ACAD11: variants seen among roughly 807,000 people sequenced by gnomAD.
ACAD11 encodes acyl-Coenzyme A dehydrogenase family, member 11.
In ACAD11, 83 loss-of-function variants were observed where a neutral mutation model predicts 102.2. That is an observed-to-expected ratio of 0.81 (90% CI 0.68 to 0.97). The LOEUF is 0.97. Ranked by LOEUF, ACAD11 falls within the 50% of genes least tolerant of loss-of-function variation. The probability of loss-of-function intolerance (pLI) is 0.00; values close to 1 mark genes in which losing one functional copy is unlikely to be tolerated. For missense variants in ACAD11, 901 were observed against 951.7 expected, an observed-to-expected ratio of 0.95 and a Z score of 0.70; for synonymous variants, 324 against 319.8, an observed-to-expected ratio of 1.01 and a Z score of -0.14.
intron 17 of ACAD11, among the ~76,000 whole-genome samples, chr3:132,565,127 A>G (rs1398794961): frequency 6.6e-6 from 1 of 152,166 alleles, no homozygotes; most frequent in African/African-American, 2.4e-5. Context: ...CACAGAAAAA[A>G]CATTGGCCCC....
At chr3:132,571,541 T>C (rs1374668673) in intron 17 of ACAD11, among the ~76,000 whole-genome samples, 2 of 152,320 alleles carry the variant, frequency 1.3e-5, no homozygotes, top group East Asian at 1.9e-4. Flanking sequence ...TTTTTTGTAA[T>C]GGCTTTTGGC....
At position 132,643,468 on chromosome 3, in the gene ACAD11, C is replaced by T. The variant is rs529966684; in HGVS notation, c.250-666G>A. ...CAGATGCACAGGCTATCACTCAGGA[C>T]CCAAGGGCAGAGCTGTTGATGCAGG... is the stretch of plus-strand genomic sequence containing the variant. On this transcript the variant is annotated intron_variant, in intron 2 of 19. Transcript: ENST00000264990. 9.3e-4 allele frequency among the ~76,000 whole-genome samples: 141 copies of T among 152,256 alleles called. 1 individual carries two copies. The highest frequency in any genetic ancestry group is 1.7e-3 in the Non-Finnish European group (116 of 68,022).
chr3:132,566,207 G>T (rs906133560), intron 17 of ACAD11, among the ~76,000 whole-genome samples: 2 of 143,182 alleles, frequency 1.4e-5, no homozygotes, highest in African/African-American at 5.2e-5. Flanking sequence ...TTCCACAGCA[G>T]AACAGAGGGG....
At chr3:132,583,625 C>A (rs759880689) in intron 13 of ACAD11, among the ~76,000 whole-genome samples, 6 of 152,098 alleles carry the variant, frequency 3.9e-5, no homozygotes, top group Non-Finnish European at 7.4e-5. Flanking sequence ...TTCTCTAGTT[C>A]TTTTAATTGT....
chr3:132,623,742 G>T (rs1012721126), intron 9 of ACAD11, among the ~76,000 whole-genome samples: 1 of 152,080 alleles, frequency 6.6e-6, no homozygotes, highest in African/African-American at 2.4e-5. Context: ...ACAAAGTTCA[G>T]CAGAGTATCA....
At chr3:132,594,563 G>T (rs1054862381) in intron 13 of ACAD11, among the ~76,000 whole-genome samples, 2 of 152,062 alleles carry the variant, frequency 1.3e-5, no homozygotes, top group Non-Finnish European at 2.9e-5. Context: ...GATACAGCAG[G>T]GTATAAGATA....
rs774880425 is a variant in ACAD11 at position 132,605,148 on chromosome 3, C to G, written c.1472G>C (p.Trp491Ser). Residue 491 changes from tryptophan (W) to serine (S), a missense_variant, in exon 12 of 20, where the codon TGG becomes TCG. Transcript: ENST00000264990. ...LYGSEEQKKQ[W>S]LEPLLQGNIT... ...GTTCCCTTGAAGAAGAGGCTCAAGC[C>G]ACTGTTTCTTCTGTTCCTCACTTCC... 3 of 1,613,756 alleles carry G rather than the reference C, an allele frequency of 1.9e-6. No homozygotes were observed. The highest frequency in any genetic ancestry group is 2.5e-6 in the Non-Finnish European group (3 of 1,179,718).
At position 132,578,976 on chromosome 3, in the gene ACAD11, A is replaced by G. The variant is rs1239830891; in HGVS notation, c.1689-95T>C. On this transcript the variant is annotated intron_variant, in intron 14 of 19. Transcript: ENST00000264990. The stretch of plus-strand genomic sequence containing the variant: ...TCACAATTGTCTTTTTGATGTTTTC[A>G]TGTAGTCATGTAAGCAGTGATGACT... The G allele has an allele frequency of 1.1e-5, 17 of 1,557,214 alleles. No individual in the cohort carries two copies. In the Admixed American group the frequency reaches 1.5e-4, roughly 14 times the overall value.
chr3:132,641,715 A>AAGAAGAAGAAGAAGAAGAAGT (rs1940528697), intron 4 of ACAD11, among the ~76,000 whole-genome samples: 1 of 151,878 alleles, frequency 6.6e-6, no homozygotes, highest in East Asian at 1.9e-4. Flanking sequence ...GAAGAAGAAG[A>AAGAAGAAGAAGAAGAAGAAGT]AGAAGAAGAA....
intron 17 of ACAD11, among the ~76,000 whole-genome samples, chr3:132,566,455 C>A (rs1937216472): frequency 6.6e-6 from 1 of 152,044 alleles, no homozygotes; most frequent in African/African-American, 2.4e-5. Context: ...TGGCAAGAGA[C>A]CTAAACCTGA....
At chr3:132,586,501 A>C (rs146113444) in intron 13 of ACAD11, among the ~76,000 whole-genome samples, 7 of 152,192 alleles carry the variant, frequency 4.6e-5, no homozygotes, top group South Asian at 2.1e-4. Context: ...TAAAAAAAAA[A>C]CCACATGCAT....
chr3:132,644,787 T>A lies in ACAD11; in HGVS notation c.249+10A>T. On this transcript the variant is annotated intron_variant, in intron 2 of 19. Coordinates refer to ENST00000264990, the MANE Select transcript of ACAD11 (RefSeq NM_032169.5). Reference sequence around the variant, plus strand: ...ACCAAAGAATTTATCATTACATTTGTATACTATACCTGATGTGCTTTAGGA... The same window carrying A: ...ACCAAAGAATTTATCATTACATTTGAATACTATACCTGATGTGCTTTAGGA... The A allele has an allele frequency of 6.4e-7, 1 of 1,562,592 alleles. No individual in the cohort carries two copies. Among genetic ancestry groups the A allele is most frequent in the Non-Finnish European group, 8.7e-7 (1 of 1,145,338 alleles).
intron 11 of ACAD11, among the ~76,000 whole-genome samples, chr3:132,606,341 A>G (rs1559953892): frequency 6.6e-6 from 1 of 152,216 alleles, no homozygotes; most frequent in Non-Finnish European, 1.5e-5. Context: ...GAGGGAGAAA[A>G]TAAGTCCTGA....
chr3:132,640,118 C>CT (rs200490230), intron 4 of ACAD11, among the ~76,000 whole-genome samples: 2,386 of 145,110 alleles, frequency 0.016, 33 homozygotes, highest in South Asian at 0.074. Flanking sequence ...AAGACATTTA[C>CT]TTTTTTTTTT....
At chr3:132,614,305 C>T (rs578013408) in intron 11 of ACAD11, among the ~76,000 whole-genome samples, 50 of 152,152 alleles carry the variant, frequency 3.3e-4, no homozygotes, top group Middle Eastern at 3.4e-3. Context: ...ACTTTCTTCA[C>T]AGAATTAGAA....
chr3:132,626,165 A>G (rs1207144066), intron 9 of ACAD11, among the ~76,000 whole-genome samples: 2 of 152,198 alleles, frequency 1.3e-5, no homozygotes, highest in Non-Finnish European at 2.9e-5. Flanking sequence ...GTGCCTAAGC[A>G]TCATCAAGTA....
In ACAD11 at chr3:132,607,503, TCAAGTGAAAG is replaced by T. The variant is rs368079992; in HGVS notation, c.1415-2308_1415-2299del. Among the ~76,000 whole-genome samples the T allele has an allele frequency of 8.9e-4, 135 of 152,066 alleles. 5 individuals are homozygous for T. The East Asian group carries it at 0.018, about 20-fold the overall frequency. On this transcript the variant is annotated intron_variant, in intron 11 of 19. Coordinates refer to ENST00000264990, the MANE Select transcript of ACAD11 (RefSeq NM_032169.5). The stretch of plus-strand genomic sequence containing the variant: ...ACACAAGTATCAATAGCTGAATCAA[TCAAGTGAAAG>T]AAAGGATATCAGAGACTGAAGATCA...
intron 1 of ACAD11, among the ~76,000 whole-genome samples, chr3:132,653,887 G>A (rs191285748): frequency 5.7e-4 from 86 of 152,144 alleles, no homozygotes; most frequent in Non-Finnish European, 9.4e-4. Context: ...TAAGACCTTC[G>A]ATCTTATGTC....
At chr3:132,629,105 G>A (rs1326532635) in intron 7 of ACAD11, among the ~76,000 whole-genome samples, 3 of 152,068 alleles carry the variant, frequency 2.0e-5, no homozygotes, top group Admixed American at 6.6e-5. Flanking sequence ...CAATTAGATT[G>A]GAATGTTTAT....
Sources: gnomAD v4.1 joint callset for allele counts (sites outside exome capture counted in the v4.1 genomes callset) on GRCh38, gnomAD v4.1.1 for gene constraint, MANE v1.5 for transcripts, NCBI Gene and HGNC (gene_info 2026-07-23, HGNC 2026-07-21) for gene names.